The following PDZD2 variants were observed in gnomAD, a reference collection of about 807,000 sequenced individuals.
The protein encoded by PDZD2 is PDZ domain-containing protein 2.
PDZD2 carries 90 observed loss-of-function variants against 220.7 expected under a neutral mutation model. The ratio of observed to expected loss-of-function variants is 0.41; its 90% CI spans 0.34 to 0.49. PDZD2 has a LOEUF of 0.49. Among genes scored for constraint, PDZD2 ranks in the 20% least tolerant of loss-of-function variants. PDZD2 has a pLI of 0.28. For missense variants in PDZD2, 3,174 were observed against 3,608.5 expected, an observed-to-expected ratio of 0.88 and a Z score of 3.08; for synonymous variants, 1,375 against 1,450.5, an observed-to-expected ratio of 0.95 and a Z score of 1.18.
intron 1 of PDZD2, among the ~76,000 whole-genome samples, chr5:31,689,975 A>G (rs1747053700): frequency 6.6e-6 from 1 of 152,112 alleles, no homozygotes; most frequent in South Asian, 2.1e-4. Flanking sequence ...TGGCAAACTC[A>G]TCAAAACCGC....
Position 32,072,241 on chromosome 5 carries a change from C to A in PDZD2, c.2649C>A (p.Ala883=), listed in dbSNP as rs140900801. ...VPGPLSDFMV[A]GSEDEDHPGS... ...GCCCCTTGTCAGACTTCATGGTGGC[C>A]GGTTCTGAGGACGAGGATCACCCGG... The change falls in exon 17 of 25, where the codon GCC becomes GCA. Residue 883 remains alanine (A), a synonymous_variant. Coordinates refer to ENST00000438447, the MANE Select transcript of PDZD2 (RefSeq NM_178140.4). The A allele has an allele frequency of 1.1e-5, 17 of 1,613,982 alleles. No individual in the cohort carries two copies. The highest frequency in any genetic ancestry group is 1.4e-5 in the Non-Finnish European group (16 of 1,179,866).
intron 17 of PDZD2, among the ~76,000 whole-genome samples, chr5:32,073,018 G>GT (rs10718239): frequency 4.5e-4 from 68 of 149,954 alleles, no homozygotes; most frequent in African/African-American, 1.4e-3. Flanking sequence ...TTATCAAAAG[G>GT]TTTTTTTTTT....
intron 7 of PDZD2, among the ~76,000 whole-genome samples, chr5:32,045,468 C>A (rs2112272465): frequency 6.6e-6 from 1 of 150,740 alleles, no homozygotes; most frequent in South Asian, 2.1e-4. Context: ...GTTGCCCAGG[C>A]TGGAGTGCGG....
chr5:31,652,282 C>T (rs939877707), intron 1 of PDZD2, among the ~76,000 whole-genome samples: 9 of 152,190 alleles, frequency 5.9e-5, no homozygotes, highest in East Asian at 1.9e-4. Context: ...TGTGAGCCAC[C>T]GCCCTGGGTC....
chr5:31,969,206 A>G (rs1206359510), intron 2 of PDZD2, among the ~76,000 whole-genome samples: 1 of 151,960 alleles, frequency 6.6e-6, no homozygotes, highest in Non-Finnish European at 1.5e-5. Context: ...GAGAAAGATA[A>G]CACCAAAAGG....
chr5:31,714,279 G>A (rs565868708), intron 1 of PDZD2, among the ~76,000 whole-genome samples: 29 of 152,342 alleles, frequency 1.9e-4, no homozygotes, highest in Non-Finnish European at 3.5e-4. Context: ...GGCTGGTTCT[G>A]ATTGAGGTTG....
chr5:31,753,543 G>A (rs1751135146), intron 1 of PDZD2, among the ~76,000 whole-genome samples: 1 of 152,068 alleles, frequency 6.6e-6, no homozygotes, highest in East Asian at 1.9e-4. Flanking sequence ...GGAGGTTGCA[G>A]TGGGCTGAGG....
At chr5:31,649,750 C>G (rs990640044) in intron 1 of PDZD2, among the ~76,000 whole-genome samples, 3 of 151,886 alleles carry the variant, frequency 2.0e-5, no homozygotes, top group Middle Eastern at 3.4e-3. Flanking sequence ...CCAGCCTGGT[C>G]AATATGGTGA....
rs954026489 is a variant in PDZD2, at chr5:31,723,379, G to C, written c.-360-75510G>C. Among the ~76,000 whole-genome samples, 21 of 151,584 alleles carry C rather than the reference G, an allele frequency of 1.4e-4. 1 individual carries two copies. The highest frequency in any genetic ancestry group is 5.1e-4 in the African/African-American group (21 of 41,286). On this transcript the variant is annotated intron_variant, in intron 1 of 24. Transcript: ENST00000438447. ...TCTGGAATGAGATTGGACATGTCAAGTCACTTTTGTCCCCAAAACAATCTT... is the reference window on the plus strand; with the variant it reads ...TCTGGAATGAGATTGGACATGTCAACTCACTTTTGTCCCCAAAACAATCTT...
chr5:31,684,211 G>A (rs1417026041), intron 1 of PDZD2, among the ~76,000 whole-genome samples: 2 of 152,202 alleles, frequency 1.3e-5, no homozygotes, highest in Non-Finnish European at 2.9e-5. Flanking sequence ...TTGGGTGTCT[G>A]ATAGGTGTCT....
chr5:31,938,779 A>G (rs1434796796), intron 2 of PDZD2, among the ~76,000 whole-genome samples: 1 of 152,170 alleles, frequency 6.6e-6, no homozygotes, highest in Non-Finnish European at 1.5e-5. Flanking sequence ...AGGCCCTCCA[A>G]CCTTACCTCT....
intron 1 of PDZD2, among the ~76,000 whole-genome samples, chr5:31,677,991 T>C (rs1164153946): frequency 1.3e-5 from 2 of 152,166 alleles, no homozygotes; most frequent in East Asian, 1.9e-4. Flanking sequence ...GATGGTTTTA[T>C]ATATAACCAT....
rs541795485 is a variant in PDZD2 at position 31,741,062 on chromosome 5, A to G, written c.-360-57827A>G. Among the ~76,000 whole-genome samples the G allele has an allele frequency of 2.0e-5, 3 of 152,328 alleles. No homozygotes were observed. The East Asian group carries it at 5.8e-4, about 29-fold the overall frequency. On this transcript the variant is annotated intron_variant, in intron 1 of 24. Transcript: ENST00000438447. ...TGTTTTAACATGCTAGTAGAAGTCT[A>G]TTTGGGGGCAAAAAATTGTTTGAAA...
At position 31,941,495 on chromosome 5, in the gene PDZD2, T is replaced by C. The variant is rs78222866; in HGVS notation, c.477-41660T>C. Among the ~76,000 whole-genome samples the C allele has an allele frequency of 8.0e-3, 1,214 of 152,314 alleles. 12 individuals carry two copies. Among genetic ancestry groups the C allele is most frequent in the African/African-American group, 0.027 (1,141 of 41,572 alleles). On this transcript the variant is annotated intron_variant, in intron 2 of 24. Coordinates refer to ENST00000438447, the MANE Select transcript of PDZD2 (RefSeq NM_178140.4). Reference sequence around the variant, plus strand: ...GAAAGAAGGTGGCAAAAATAAAGGATGCAGTTTGGATTTGTAAAGCTAAGT... The same window carrying C: ...GAAAGAAGGTGGCAAAAATAAAGGACGCAGTTTGGATTTGTAAAGCTAAGT...
At chr5:31,962,485 C>T (rs1748335877) in intron 2 of PDZD2, among the ~76,000 whole-genome samples, 1 of 151,414 alleles carries the variant, frequency 6.6e-6, no homozygotes, top group Non-Finnish European at 1.5e-5. Flanking sequence ...TGCAGAGAGT[C>T]AGGGTGTGAA....
intron 7 of PDZD2, among the ~76,000 whole-genome samples, chr5:32,042,498 A>G (rs1431954244): frequency 1.3e-5 from 2 of 152,142 alleles, no homozygotes; most frequent in Non-Finnish European, 2.9e-5. Context: ...ACTTGAACCC[A>G]GGAGGCAGAG....
chr5:31,995,657 T>C lies in PDZD2; in HGVS notation c.1060T>C (p.Ser354Pro). 2 of 1,614,004 alleles carry C rather than the reference T, an allele frequency of 1.2e-6. No homozygotes were observed. Among genetic ancestry groups the C allele is most frequent in the Non-Finnish European group, 1.7e-6 (2 of 1,179,978 alleles). Residue 354 changes from serine (S) to proline (P), a missense_variant, in exon 4 of 25, where the codon TCA becomes CCA. Physicochemically the swap from Ser to Pro is moderately conservative, Grantham distance 74. Around this residue, in one of 4 missense-constraint regions of PDZD2, gnomAD observed 632 missense variants for 708.1 expected, o/e 0.89. Coordinates refer to ENST00000438447, the MANE Select transcript of PDZD2 (RefSeq NM_178140.4). Reference protein sequence around the residue: ...LGIQVSGGRGSKRSPHAIVVT... With the variant: ...LGIQVSGGRGPKRSPHAIVVT... Reference sequence around the variant, plus strand: ...AATTCAGGTTAGTGGAGGCCGAGGATCAAAGCGCTCACCTCACGCTATCGT... The same window carrying C: ...AATTCAGGTTAGTGGAGGCCGAGGACCAAAGCGCTCACCTCACGCTATCGT...
rs182089974 is a variant in PDZD2 at position 31,848,889 on chromosome 5, A to C, written c.476+49165A>C. The stretch of plus-strand genomic sequence containing the variant: ...ACGGTGAAACCCCGTCTCTACTAAA[A>C]ATACAAAAAATTAGCCAGGCGTGGT... On this transcript the variant is annotated intron_variant, in intron 2 of 24. Coordinates refer to ENST00000438447, the MANE Select transcript of PDZD2 (RefSeq NM_178140.4). 1.7e-3 allele frequency among the ~76,000 whole-genome samples: 259 copies of C among 152,242 alleles called. 1 individual carries two copies. The highest frequency in any genetic ancestry group is 6.0e-3 in the African/African-American group (250 of 41,542).
chr5:31,791,123 T>A (rs966499444), intron 1 of PDZD2, among the ~76,000 whole-genome samples: 5 of 152,308 alleles, frequency 3.3e-5, no homozygotes, highest in Middle Eastern at 3.4e-3. Flanking sequence ...ACACCACTTA[T>A]CTGCTTCTGA....
Sources: gnomAD v4.1 joint callset for allele counts (sites outside exome capture counted in the v4.1 genomes callset) on GRCh38, gnomAD v4.1.1 for gene constraint, gnomAD v4.1.1 regional missense constraint, MANE v1.5 for transcripts, NCBI Gene and HGNC (gene_info 2026-07-23, HGNC 2026-07-21) for gene names.